SYNPO2: variants seen among roughly 807,000 people sequenced by gnomAD.
The protein encoded by SYNPO2 is synaptopodin 2.
In SYNPO2, 56 loss-of-function variants were observed where a neutral mutation model predicts 85.0. That is an observed-to-expected ratio of 0.66 (90% CI 0.53 to 0.82). SYNPO2 has a LOEUF of 0.82. Ranked by LOEUF, SYNPO2 falls within the 40% of genes least tolerant of loss-of-function variation. The pLI, the probability that SYNPO2 is intolerant of heterozygous loss-of-function variation, is 0.00. For synonymous variants in SYNPO2, 602 were observed against 591.1 expected (o/e 1.02, Z -0.27); for missense variants, 1,575 against 1,534.2 (o/e 1.03, Z -0.44).
rs186711624 is a variant in SYNPO2 at position 118,972,845 on chromosome 4, G to T, written c.106-50585G>T. Among the ~76,000 whole-genome samples the T allele has an allele frequency of 9.4e-3, 1,432 of 152,282 alleles. 15 individuals are homozygous for T. Among genetic ancestry groups the T allele is most frequent in the Admixed American group, 0.015 (230 of 15,294 alleles). On this transcript the variant is annotated intron_variant, in intron 1 of 4. Transcript: ENST00000307142. ...ATAGTGAGTGCTTAATAATTTCAGT[G>T]TCTTTCATTTGAAAATTGGAAACAA... is the stretch of plus-strand genomic sequence containing the variant.
chr4:118,988,995 A>G lies in SYNPO2; in HGVS notation c.106-34435A>G, dbSNP rs1213738954. ...GTCTTACAGTTCCCTTCCTCAGTTA[A>G]AACAACAAAAAAAGAACAAGGTGGT... On this transcript the variant is annotated intron_variant, in intron 1 of 4. Coordinates refer to ENST00000307142, the MANE Select transcript of SYNPO2 (RefSeq NM_133477.3). Among the ~76,000 whole-genome samples, 3 of 152,228 alleles carry G rather than the reference A, an allele frequency of 2.0e-5. No individual in the cohort carries two copies. The East Asian group carries it at 5.8e-4, about 29-fold the overall frequency.
intron 1 of SYNPO2, among the ~76,000 whole-genome samples, chr4:118,969,450 T>G (rs968273544): frequency 1.3e-5 from 2 of 152,196 alleles, no homozygotes; most frequent in African/African-American, 4.8e-5. Context: ...TGGGTTTATA[T>G]TATCCATTAC....
intron 1 of SYNPO2, among the ~76,000 whole-genome samples, chr4:118,909,981 C>T (rs1472924178): frequency 1.3e-5 from 2 of 152,188 alleles, no homozygotes; most frequent in Non-Finnish European, 2.9e-5. Context: ...AAACAGATGA[C>T]CTGAGCATAA....
chr4:119,036,936 G>A, intron 4 of SYNPO2: 1 of 1,216,490 alleles, frequency 8.2e-7, no homozygotes, highest in South Asian at 3.8e-5. Context: ...CAAGTATACA[G>A]GGGAGAAAGC....
chr4:119,008,795 A>G (rs1026777700), intron 1 of SYNPO2, among the ~76,000 whole-genome samples: 5 of 152,142 alleles, frequency 3.3e-5, no homozygotes, highest in African/African-American at 1.2e-4. Flanking sequence ...CTTACTAAAC[A>G]TTTTAATATA....
chr4:118,976,036 T>A (rs1735713694), intron 1 of SYNPO2, among the ~76,000 whole-genome samples: 1 of 152,224 alleles, frequency 6.6e-6, no homozygotes, highest in Non-Finnish European at 1.5e-5. Context: ...GCTTTTGAAA[T>A]CTTTCTTGCC....
Position 119,001,831 on chromosome 4 carries a change from A to G in SYNPO2, c.106-21599A>G, listed in dbSNP as rs531447741. 5.3e-5 allele frequency among the ~76,000 whole-genome samples: 8 copies of G among 151,530 alleles called. No individual in the cohort carries two copies. The East Asian group carries it at 1.5e-3, about 29-fold the overall frequency. ...TTGTCTAGTTTTCTTCTTATTTCTAAAATATACATCTGTGTTTACCTTTGT... is the reference window on the plus strand; with the variant it reads ...TTGTCTAGTTTTCTTCTTATTTCTAGAATATACATCTGTGTTTACCTTTGT... On this transcript the variant is annotated intron_variant, in intron 1 of 4. Transcript: ENST00000307142.
intron 4 of SYNPO2, among the ~76,000 whole-genome samples, chr4:119,044,596 T>C (rs528889284): frequency 6.6e-6 from 1 of 152,280 alleles, no homozygotes; most frequent in African/African-American, 2.4e-5. Flanking sequence ...AGTGGCGTGA[T>C]CTCAGCTCAC....
chr4:118,974,442 G>T (rs1053323756), intron 1 of SYNPO2, among the ~76,000 whole-genome samples: 4 of 152,246 alleles, frequency 2.6e-5, no homozygotes, highest in Non-Finnish European at 4.4e-5. Context: ...TTTCTTGCCA[G>T]ATTAGGTTTG....
chr4:118,979,931 C>T (rs920761349), intron 1 of SYNPO2, among the ~76,000 whole-genome samples: 1 of 152,138 alleles, frequency 6.6e-6, no homozygotes, highest in African/African-American at 2.4e-5. Context: ...TTGGTCTGTG[C>T]CTCGTGTTAT....
chr4:119,054,354 C>T (rs986531188), intron 4 of SYNPO2, among the ~76,000 whole-genome samples: 6 of 152,122 alleles, frequency 3.9e-5, no homozygotes, highest in Non-Finnish European at 7.4e-5. Flanking sequence ...GGCAAAGGGC[C>T]GGTGTGATGG....
At chr4:118,903,100 C>T (rs922099375) in intron 1 of SYNPO2, among the ~76,000 whole-genome samples, 11 of 151,742 alleles carry the variant, frequency 7.2e-5, no homozygotes, top group African/African-American at 2.7e-4. Flanking sequence ...AAATTGCTGC[C>T]TTTGTAGATA....
At position 118,937,687 on chromosome 4, in the gene SYNPO2, A is replaced by T. The variant is rs28489518; in HGVS notation, c.105+48546A>T. Among the ~76,000 whole-genome samples, 1,006 of 152,316 alleles carry T rather than the reference A, an allele frequency of 6.6e-3. 3 individuals carry two copies. Among genetic ancestry groups the T allele is most frequent in the African/African-American group, 0.018 (732 of 41,558 alleles). ...TTCACCTGTACAATAAAGAAAAAAA[A>T]ATATAACTTTTAAAAAAAGATTATT... On this transcript the variant is annotated intron_variant, in intron 1 of 4. Coordinates refer to ENST00000307142, the MANE Select transcript of SYNPO2 (RefSeq NM_133477.3).
chr4:118,972,954 C>A (rs1186809366), intron 1 of SYNPO2, among the ~76,000 whole-genome samples: 2 of 152,144 alleles, frequency 1.3e-5, no homozygotes, highest in Non-Finnish European at 2.9e-5. Flanking sequence ...CCATTCACAC[C>A]ACTTTTTCAC....
intron 1 of SYNPO2, among the ~76,000 whole-genome samples, chr4:118,878,931 T>G (rs550323671): frequency 6.6e-6 from 1 of 152,288 alleles, no homozygotes; most frequent in South Asian, 2.1e-4. Context: ...TGCTGTTCAG[T>G]TTTTGGGTCC....
At chr4:118,977,226 C>G (rs191033821) in intron 1 of SYNPO2, among the ~76,000 whole-genome samples, 3 of 152,334 alleles carry the variant, frequency 2.0e-5, no homozygotes, top group East Asian at 3.9e-4. Flanking sequence ...GGGGAGAAAT[C>G]GAGCGCAGCG....
chr4:118,976,805 A>C (rs534351158), intron 1 of SYNPO2, among the ~76,000 whole-genome samples: 220 of 151,768 alleles, frequency 1.4e-3, no homozygotes, highest in African/African-American at 5.0e-3. Context: ...TATTTACAAT[A>C]CTTGAGCTAG....
chr4:118,887,166 A>AGTGTGTGTGTGTGTGT (rs71595329), upstream of SYNPO2, among the ~76,000 whole-genome samples: 127 of 139,142 alleles, frequency 9.1e-4, no homozygotes, highest in African/African-American at 3.3e-3. Context: ...CATCTGAGTG[A>AGTGTGTGTGTGTGTGT]GTGTGTGTGT....
chr4:118,882,774 G>GTTTT (rs112261966), intron 1 of SYNPO2, among the ~76,000 whole-genome samples: 1 of 147,812 alleles, frequency 6.8e-6, no homozygotes, highest in Non-Finnish European at 1.5e-5. Context: ...ATGCCTGCTA[G>GTTTT]TTTTTTTTTT....
Sources: gnomAD v4.1 joint callset for allele counts (sites outside exome capture counted in the v4.1 genomes callset) on GRCh38, gnomAD v4.1.1 for gene constraint, MANE v1.5 for transcripts, NCBI Gene and HGNC (gene_info 2026-07-23, HGNC 2026-07-21) for gene names.